TMEM178B: variants seen among roughly 807,000 people sequenced by gnomAD.
TMEM178B encodes the protein transmembrane protein 178B.
In TMEM178B, 5 loss-of-function variants were observed where a neutral mutation model predicts 31.0. The ratio of observed to expected loss-of-function variants is 0.16; its 90% CI spans 0.08 to 0.34. TMEM178B has a LOEUF of 0.34. Among genes scored for constraint, TMEM178B ranks in the 10% least tolerant of loss-of-function variants. The pLI is 1.00. For missense variants in TMEM178B, 275 were observed against 400.3 expected, an observed-to-expected ratio of 0.69 and a Z score of 2.67; for synonymous variants, 164 against 164.0, an observed-to-expected ratio of 1.00 and a Z score of 0.00.
Position 141,437,600 on chromosome 7 carries a change from C to T in TMEM178B, c.497-8C>T, listed in dbSNP as rs575561194. On this transcript the variant is annotated splice_region_variant and splice_polypyrimidine_tract_variant and intron_variant, in intron 2 of 3. Transcript: ENST00000565468. ...GCTGCTGACTGTTGCTCGCCTGCTTCCCCACAGACCTGCGCAGAATGACGG... is the reference window on the plus strand; with the variant it reads ...GCTGCTGACTGTTGCTCGCCTGCTTTCCCACAGACCTGCGCAGAATGACGG... 114 of 1,535,974 alleles carry T rather than the reference C, an allele frequency of 7.4e-5. No individual in the cohort carries two copies. The South Asian group carries it at 1.3e-3, about 17-fold the overall frequency.
At chr7:141,265,160 C>A (rs1798076866) in intron 2 of TMEM178B, among the ~76,000 whole-genome samples, 1 of 152,200 alleles carries the variant, frequency 6.6e-6, no homozygotes, top group Admixed American at 6.5e-5. Flanking sequence ...GTTAACAGGG[C>A]TTCGCAGGTA....
chr7:141,368,312 C>G (rs891009001), intron 2 of TMEM178B, among the ~76,000 whole-genome samples: 4 of 152,310 alleles, frequency 2.6e-5, no homozygotes, highest in Admixed American at 6.5e-5. Context: ...GAGTGAGACT[C>G]TGCTTCAAAA....
chr7:141,168,771 C>CA (rs199539576), intron 1 of TMEM178B, among the ~76,000 whole-genome samples: 11 of 147,164 alleles, frequency 7.5e-5, no homozygotes, highest in East Asian at 2.0e-4. Context: ...CTCTGTCCCC[C>CA]AAAAAAAAAG....
intron 2 of TMEM178B, among the ~76,000 whole-genome samples, chr7:141,390,333 C>T (rs1800512347): frequency 1.3e-5 from 2 of 152,260 alleles, no homozygotes; most frequent in Non-Finnish European, 2.9e-5. Flanking sequence ...CCCAGGCCTA[C>T]ACTCTTCTAC....
rs575616635 is a variant in TMEM178B, at chr7:141,307,101, G to A, written c.496+94397G>A. ...TCACACCATGTTGAGCATATATAAT[G>A]TACATATTTTTCCTTTCAGATATTG... On this transcript the variant is annotated intron_variant, in intron 2 of 3. Transcript: ENST00000565468. 7.2e-5 allele frequency among the ~76,000 whole-genome samples: 11 copies of A among 152,140 alleles called. No individual in the cohort carries two copies. The South Asian group carries it at 1.9e-3, about 26-fold the overall frequency.
At chr7:141,187,931 A>G (rs1278150492) in intron 1 of TMEM178B, among the ~76,000 whole-genome samples, 4 of 152,108 alleles carry the variant, frequency 2.6e-5, no homozygotes, top group Non-Finnish European at 5.9e-5. Flanking sequence ...TGCTGTGCAG[A>G]AGCTCTTTAG....
intron 2 of TMEM178B, among the ~76,000 whole-genome samples, chr7:141,269,454 TA>T (rs1283080331): frequency 2.0e-5 from 3 of 152,162 alleles, no homozygotes; most frequent in Non-Finnish European, 4.4e-5. Context: ...GTTAATAATG[TA>T]AAAAAGACTT....
At chr7:141,169,935 C>G (rs1185473623) in intron 1 of TMEM178B, among the ~76,000 whole-genome samples, 1 of 152,188 alleles carries the variant, frequency 6.6e-6, no homozygotes, top group Non-Finnish European at 1.5e-5. Flanking sequence ...CACATGAATA[C>G]ATAATTTCTT....
At chr7:141,120,314 A>T (rs1173459995) in intron 1 of TMEM178B, among the ~76,000 whole-genome samples, 2 of 152,246 alleles carry the variant, frequency 1.3e-5, no homozygotes, top group East Asian at 1.9e-4. Context: ...AATGGATAGC[A>T]TTCATATCCA....
chr7:141,451,439 G>A (rs1563186033), intron 3 of TMEM178B, among the ~76,000 whole-genome samples: 1 of 152,094 alleles, frequency 6.6e-6, no homozygotes, highest in Non-Finnish European at 1.5e-5. Flanking sequence ...AAGTACCTTG[G>A]ACAAGGTACT....
chr7:141,201,157 G>A (rs983743749), intron 1 of TMEM178B, among the ~76,000 whole-genome samples: 1 of 152,136 alleles, frequency 6.6e-6, no homozygotes, highest in Non-Finnish European at 1.5e-5. Flanking sequence ...AAACCACGTC[G>A]GCGCCATCCC....
chr7:141,122,465 G>A (rs202218849), intron 1 of TMEM178B, among the ~76,000 whole-genome samples: 6 of 152,164 alleles, frequency 3.9e-5, no homozygotes, highest in South Asian at 2.1e-4. Context: ...GTCTCAGAGC[G>A]TCTTAAGGAC....
At chr7:141,174,903 C>G (rs570315427) in intron 1 of TMEM178B, among the ~76,000 whole-genome samples, 155 of 152,302 alleles carry the variant, frequency 1.0e-3, no homozygotes, top group African/African-American at 3.7e-3. Context: ...TTCTCCCATT[C>G]TGTAGGTCAC....
intron 1 of TMEM178B, among the ~76,000 whole-genome samples, chr7:141,202,744 G>A (rs1289798135): frequency 1.3e-5 from 2 of 152,158 alleles, no homozygotes; most frequent in Admixed American, 6.5e-5. Flanking sequence ...TGGGGGAGGT[G>A]GGGTGTGGAG....
intron 1 of TMEM178B, among the ~76,000 whole-genome samples, chr7:141,148,965 A>T (rs902957761): frequency 2.6e-5 from 4 of 152,178 alleles, no homozygotes; most frequent in Non-Finnish European, 4.4e-5. Context: ...CTTGTCAGAG[A>T]TGGAGAGGAG....
At chr7:141,297,225 T>C (rs1256151571) in intron 2 of TMEM178B, 1 of 152,228 alleles carries the variant, frequency 6.6e-6, no homozygotes, top group East Asian at 1.9e-4. Context: ...TGTCTAACTC[T>C]AGACTCTTTC....
At chr7:141,100,765 A>G (rs1004734789) in intron 1 of TMEM178B, among the ~76,000 whole-genome samples, 1 of 152,216 alleles carries the variant, frequency 6.6e-6, no homozygotes, top group African/African-American at 2.4e-5. Context: ...CGTATTCTAC[A>G]TATATATGTA....
chr7:141,432,067 C>G (rs1294201750), intron 2 of TMEM178B, among the ~76,000 whole-genome samples: 3 of 151,180 alleles, frequency 2.0e-5, no homozygotes, highest in African/African-American at 7.3e-5. Context: ...TTCTGAGGAC[C>G]TTATGGGCCA....
chr7:141,199,623 A>G (rs1015041799), intron 1 of TMEM178B, among the ~76,000 whole-genome samples: 3 of 151,502 alleles, frequency 2.0e-5, no homozygotes, highest in Non-Finnish European at 4.4e-5. Flanking sequence ...GTCTTGCTCT[A>G]TCACTTAGGC....
Sources: allele counts gnomAD v4.1 joint callset (sites outside exome capture counted in the v4.1 genomes callset), GRCh38; gene constraint gnomAD v4.1.1; transcripts MANE v1.5; gene names NCBI Gene and HGNC (gene_info 2026-07-23, HGNC 2026-07-21).